Variants in STX8 observed in about 807,000 individuals in gnomAD.
The protein encoded by STX8 is syntaxin-8.
A neutral mutation model predicts 37.5 loss-of-function variants in STX8; 23 were observed. The ratio of observed to expected loss-of-function variants is 0.61; its 90% CI spans 0.44 to 0.87. The LOEUF (loss-of-function observed/expected upper bound fraction) is 0.87. Ranked by LOEUF, STX8 falls within the 40% of genes least tolerant of loss-of-function variation. STX8 has a pLI of 0.00. For synonymous variants in STX8, 115 were observed against 99.1 expected (o/e 1.16, Z -0.95); for missense variants, 313 against 284.7 (o/e 1.10, Z -0.71).
At chr17:9,512,643 G>A (rs1029652483) in intron 4 of STX8, among the ~76,000 whole-genome samples, 15 of 151,968 alleles carry the variant, frequency 9.9e-5, no homozygotes, top group African/African-American at 3.4e-4. Context: ...TTGTAGAGAC[G>A]GGGTTTCACC....
chr17:9,305,186 G>C (rs186636162), intron 7 of STX8, among the ~76,000 whole-genome samples: 3 of 152,004 alleles, frequency 2.0e-5, no homozygotes, highest in African/African-American at 7.2e-5. Flanking sequence ...TCCACCTCCT[G>C]GGTTCAAGCG....
intron 7 of STX8, among the ~76,000 whole-genome samples, chr17:9,291,775 G>A (rs1446832193): frequency 6.6e-6 from 1 of 152,146 alleles, no homozygotes; most frequent in African/African-American, 2.4e-5. Context: ...TTGCTAAACT[G>A]CCCTACAAGA....
chr17:9,413,440 T>C (rs941044028), intron 6 of STX8, among the ~76,000 whole-genome samples: 3 of 152,198 alleles, frequency 2.0e-5, no homozygotes, highest in Non-Finnish European at 4.4e-5. Context: ...AACACAGCTG[T>C]GAACGTAAAG....
At chr17:9,302,004 GA>G (rs569717783) in intron 7 of STX8, among the ~76,000 whole-genome samples, 46 of 152,224 alleles carry the variant, frequency 3.0e-4, no homozygotes, top group Middle Eastern at 6.8e-3. Context: ...ATATAACATA[GA>G]AATTATTTTT....
chr17:9,285,145 T>C (rs147065879), intron 7 of STX8, among the ~76,000 whole-genome samples: 64 of 152,122 alleles, frequency 4.2e-4, no homozygotes, highest in African/African-American at 1.4e-3. Flanking sequence ...ATCTGGACAC[T>C]ATGGATAATA....
At chr17:9,422,502 T>C (rs117316454) in intron 6 of STX8, among the ~76,000 whole-genome samples, 1,975 of 152,348 alleles carry the variant, frequency 0.013, 19 homozygotes, top group Non-Finnish European at 0.021. Flanking sequence ...TACGGCTCCA[T>C]GGATTCGTCT....
At chr17:9,271,992 A>G (rs1314334348) in intron 7 of STX8, among the ~76,000 whole-genome samples, 1 of 152,198 alleles carries the variant, frequency 6.6e-6, no homozygotes, top group Non-Finnish European at 1.5e-5. Flanking sequence ...CAAAGCAGGT[A>G]CCCAGTGACT....
intron 6 of STX8, among the ~76,000 whole-genome samples, chr17:9,433,414 T>C (rs1353455956): frequency 6.6e-6 from 1 of 152,206 alleles, no homozygotes; most frequent in African/African-American, 2.4e-5. Flanking sequence ...AGATCCTTCA[T>C]CACTATAAGC....
At chr17:9,376,596 C>T (rs1473231958) in intron 7 of STX8, among the ~76,000 whole-genome samples, 1 of 152,210 alleles carries the variant, frequency 6.6e-6, no homozygotes, top group African/African-American at 2.4e-5. Context: ...AAGCTTTGTT[C>T]TTTCACTGTT....
At position 9,450,249 on chromosome 17, in the gene STX8, T is replaced by C. The variant is rs1904997030; in HGVS notation, c.541+41580A>G. Reference sequence around the variant, plus strand: ...CGCCACCACGCCCGGCTAATTTTTGTATTTTTAGTAGAGATGGGGTTTCAC... The same window carrying C: ...CGCCACCACGCCCGGCTAATTTTTGCATTTTTAGTAGAGATGGGGTTTCAC... On this transcript the variant is annotated intron_variant, in intron 6 of 7. Coordinates refer to ENST00000306357, the MANE Select transcript of STX8 (RefSeq NM_004853.3). Among the ~76,000 whole-genome samples the C allele has an allele frequency of 2.0e-5, 3 of 151,050 alleles. No individual in the cohort carries two copies. In the South Asian group the frequency reaches 6.3e-4, roughly 32 times the overall value.
chr17:9,473,020 A>T (rs1452258708), intron 6 of STX8, among the ~76,000 whole-genome samples: 1 of 151,482 alleles, frequency 6.6e-6, no homozygotes, highest in East Asian at 1.9e-4. Flanking sequence ...GACAAACACC[A>T]TGCATGTGTC....
intron 7 of STX8, among the ~76,000 whole-genome samples, chr17:9,324,953 G>A (rs1909706169): frequency 1.3e-5 from 2 of 152,164 alleles, no homozygotes; most frequent in African/African-American, 4.8e-5. Flanking sequence ...TTTGAATTTT[G>A]TTATTTTCCT....
At chr17:9,322,816 A>T (rs1328067051) in intron 7 of STX8, among the ~76,000 whole-genome samples, 10 of 24,814 alleles carry the variant, frequency 4.0e-4, no homozygotes, top group Non-Finnish European at 6.7e-4. Flanking sequence ...GCATTTGCTA[A>T]AAAAAAAAAA....
At chr17:9,338,856 G>A (rs963780525) in intron 7 of STX8, among the ~76,000 whole-genome samples, 5 of 152,064 alleles carry the variant, frequency 3.3e-5, no homozygotes, top group African/African-American at 1.2e-4. Flanking sequence ...TGGATCACAA[G>A]GTCAGGAGAT....
intron 6 of STX8, among the ~76,000 whole-genome samples, chr17:9,474,318 G>A (rs1906007886): frequency 6.6e-6 from 1 of 152,128 alleles, no homozygotes; most frequent in South Asian, 2.1e-4. Context: ...CCTGAGTTCA[G>A]TGAGTCATTC....
At chr17:9,431,264 T>C (rs1264519157) in intron 6 of STX8, among the ~76,000 whole-genome samples, 2 of 146,886 alleles carry the variant, frequency 1.4e-5, no homozygotes, top group Non-Finnish European at 3.0e-5. Flanking sequence ...AGAGATGGGG[T>C]ATCACCATGT....
intron 3 of STX8, among the ~76,000 whole-genome samples, chr17:9,548,706 T>G (rs1906648429): frequency 6.6e-6 from 1 of 152,176 alleles, no homozygotes; most frequent in South Asian, 2.1e-4. Flanking sequence ...ACTTACTAAG[T>G]GTTTACATGA....
At chr17:9,493,731 G>A (rs1430791692) in intron 5 of STX8, among the ~76,000 whole-genome samples, 1 of 152,064 alleles carries the variant, frequency 6.6e-6, no homozygotes, top group African/African-American at 2.4e-5. Flanking sequence ...GAGTTCTTTT[G>A]ACCTCTTGTT....
intron 6 of STX8, among the ~76,000 whole-genome samples, chr17:9,482,534 C>T (rs532781561): frequency 6.6e-6 from 1 of 152,226 alleles, no homozygotes; most frequent in East Asian, 1.9e-4. Context: ...ATGATTAATT[C>T]CATTATCAAA....
Sources: gnomAD v4.1 joint callset for allele counts (sites outside exome capture counted in the v4.1 genomes callset) on GRCh38, gnomAD v4.1.1 for gene constraint, MANE v1.5 for transcripts, NCBI Gene and HGNC (gene_info 2026-07-23, HGNC 2026-07-21) for gene names.